Variants in OR10H5 observed in about 807,000 individuals in gnomAD.
The protein encoded by OR10H5 is olfactory receptor 10H5.
OR10H5 carries 7 observed loss-of-function variants against 12.2 expected under a neutral mutation model. The ratio of observed to expected loss-of-function variants is 0.57; its 90% CI spans 0.33 to 1.07. The LOEUF is 1.07. OR10H5 is among the 50% of genes least tolerant of loss of function. OR10H5 has a pLI of 0.04. For missense variants in OR10H5, 346 were observed against 411.6 expected (o/e 0.84, Z 1.38); for synonymous variants, 159 against 175.1 (o/e 0.91, Z 0.73).
intron 1 of OR10H5, among the ~76,000 whole-genome samples, chr19:15,788,177 A>G (rs913226385): frequency 2.6e-5 from 4 of 152,152 alleles, no homozygotes; most frequent in Non-Finnish European, 4.4e-5. Context: ...GTATGAGATT[A>G]TTGTAGCTGC....
At chr19:15,793,569 AC>A (rs1379295124) in intron 1 of OR10H5, among the ~76,000 whole-genome samples, 12 of 151,928 alleles carry the variant, frequency 7.9e-5, no homozygotes, top group African/African-American at 2.9e-4. Flanking sequence ...CCCAGGCTAA[AC>A]TTCAGCACAT....
At chr19:15,790,161 G>A (rs897996845) in intron 1 of OR10H5, among the ~76,000 whole-genome samples, 2 of 152,138 alleles carry the variant, frequency 1.3e-5, no homozygotes, top group Non-Finnish European at 2.9e-5. Context: ...CCAGGAGAGA[G>A]GAAGAGGTGA....
intron 1 of OR10H5, among the ~76,000 whole-genome samples, chr19:15,790,352 G>A (rs912520316): frequency 8.5e-5 from 13 of 152,202 alleles, no homozygotes; most frequent in Non-Finnish European, 1.5e-4. Flanking sequence ...AGATGATCAC[G>A]ACAACGTCAG....
intron 1 of OR10H5, among the ~76,000 whole-genome samples, chr19:15,790,087 C>T (rs1054822382): frequency 2.6e-5 from 4 of 152,100 alleles, no homozygotes; most frequent in Admixed American, 6.6e-5. Context: ...GGGCATGGCC[C>T]CTTTCTGTAA....
At position 15,799,626 on chromosome 19, in the gene OR10H5, T is replaced by G. The variant is rs1257655392; in HGVS notation, c.*4630T>G. Reference sequence around the variant, plus strand: ...TGCTGATGAAACGTTATGTATATAATTGTATGTTGTCTACAAGGTAAACCT... The same window carrying G: ...TGCTGATGAAACGTTATGTATATAAGTGTATGTTGTCTACAAGGTAAACCT... On this transcript the variant is annotated 3_prime_UTR_variant, in exon 2 of 2. Transcript: ENST00000642092. The G allele has an allele frequency of 1.3e-5, 2 of 152,044 alleles. No individual in the cohort carries two copies. The highest frequency in any genetic ancestry group is 4.8e-5 in the African/African-American group (2 of 41,388). The allele number at this position is 152,044 out of a possible 1,614,324, so 9.4% of individuals were successfully genotyped here.
chr19:15,791,991 T>C (rs893902469), intron 1 of OR10H5, among the ~76,000 whole-genome samples: 8 of 151,282 alleles, frequency 5.3e-5, no homozygotes, highest in Admixed American at 3.3e-4. Context: ...TATTATTAAA[T>C]TCTCCAGCCT....
chr19:15,793,052 G>T (rs528201799), intron 1 of OR10H5, among the ~76,000 whole-genome samples: 1 of 151,856 alleles, frequency 6.6e-6, no homozygotes, highest in Non-Finnish European at 1.5e-5. Flanking sequence ...TTCTTACTAC[G>T]GGCCAAGACT....
chr19:15,788,143 G>A (rs1181459570), intron 1 of OR10H5, among the ~76,000 whole-genome samples: 3 of 152,190 alleles, frequency 2.0e-5, no homozygotes, highest in African/African-American at 4.8e-5. Context: ...CACTGTGTGT[G>A]TGTGTGTGCA....
chr19:15,792,102 G>T (rs1335779289), intron 1 of OR10H5, among the ~76,000 whole-genome samples: 1 of 152,030 alleles, frequency 6.6e-6, no homozygotes, highest in Non-Finnish European at 1.5e-5. Context: ...TCACCCACCA[G>T]TGCTGCAGAT....
In OR10H5 at chr19:15,794,842, G is replaced by T. The variant is rs1405047535; in HGVS notation, c.794G>T (p.Gly265Val). The T allele has an allele frequency of 6.2e-7, 1 of 1,614,058 alleles. No homozygotes were observed. The highest frequency in any genetic ancestry group is 1.7e-5 in the Admixed American group (1 of 60,014). Residue 265 changes from glycine to valine, a missense_variant, in exon 2 of 2, where the codon GGT (glycine) becomes GTT (valine). Coordinates refer to ENST00000642092, the MANE Select transcript of OR10H5 (RefSeq NM_001004466.2). Reference protein sequence around the residue: ...FASVIYLKPKGPQSPEGDTLM... With the variant: ...FASVIYLKPKVPQSPEGDTLM... ...TCCGTCATTTACCTGAAGCCCAAAG[G>T]TCCCCAGTCTCCGGAAGGAGACACC...
At position 15,795,173 on chromosome 19, in the gene OR10H5, C is replaced by T. The variant is rs1425525457; in HGVS notation, c.*177C>T. On this transcript the variant is annotated 3_prime_UTR_variant, in exon 2 of 2. Transcript: ENST00000642092. ...TGACCTACAGTCCACCCTCCCTCCC[C>T]CCTCCTCCTTGCCTTCCTTCCATCC... is the stretch of plus-strand genomic sequence containing the variant. The T allele has an allele frequency of 1.7e-6, 1 of 590,274 alleles. No individual in the cohort carries two copies. The highest frequency in any genetic ancestry group is 2.9e-6 in the Non-Finnish European group (1 of 344,824). 36.6% of individuals were successfully genotyped at this position (590,274 alleles called of 1,614,324 possible). A position where few individuals can be genotyped will look rare whatever the true frequency, so the allele number is the denominator to read the frequency against.
chr19:15,790,406 C>A (rs1463770589), intron 1 of OR10H5, among the ~76,000 whole-genome samples: 1 of 152,286 alleles, frequency 6.6e-6, no homozygotes, highest in Middle Eastern at 3.4e-3. Context: ...GGCATCCCGT[C>A]GCCCAGGGAA....
In OR10H5 at chr19:15,798,920, C is replaced by G. The variant is rs56845473; in HGVS notation, c.*3924C>G. The stretch of plus-strand genomic sequence containing the variant: ...TGCAGGCACATGCCACCACACCCAA[C>G]TATTTTTTGTATTTTTAGTAGAGAC... On this transcript the variant is annotated 3_prime_UTR_variant, in exon 2 of 2. Coordinates refer to ENST00000642092, the MANE Select transcript of OR10H5 (RefSeq NM_001004466.2). The G allele has an allele frequency of 0.085, 12,860 of 152,116 alleles. 609 individuals are homozygous for G. The highest frequency in any genetic ancestry group is 0.12 in the Middle Eastern group (35 of 294). 9.4% of individuals were successfully genotyped at this position (152,116 alleles called of 1,614,324 possible). A position where few individuals can be genotyped will look rare whatever the true frequency, so the allele number is the denominator to read the frequency against.
intron 1 of OR10H5, among the ~76,000 whole-genome samples, chr19:15,791,441 TACACACACACACAC>T (rs35542150): frequency 2.7e-5 from 4 of 147,556 alleles, no homozygotes; most frequent in East Asian, 2.0e-4. Context: ...ATAGATACCA[TACACACACACACAC>T]ACACACACAC....
rs61745514 is a variant in OR10H5 at position 15,794,719 on chromosome 19, C to A, written c.671C>A (p.Ala224Asp). 0.18 allele frequency: 284,443 copies of A among 1,611,616 alleles called. 32,713 individuals are homozygous for A. Among genetic ancestry groups the A allele is most frequent in the East Asian group, 0.66 (29,446 of 44,780 alleles). ...LILLSYAFIV[A>D]AILKIPSAEG... ...CTCCTCTCCTATGCCTTCATCGTGG[C>A]CGCCATCTTGAAGATCCCTTCTGCT... is the stretch of plus-strand genomic sequence containing the variant. Residue 224 changes from alanine to aspartate, a missense_variant, in exon 2 of 2, where the codon GCC becomes GAC. Ala to Asp is a moderately radical substitution (Grantham distance 126, BLOSUM62 -2). Transcript: ENST00000642092.
In OR10H5 at chr19:15,794,715, G is replaced by T. The variant is rs758375267; in HGVS notation, c.667G>T (p.Val223Leu). 5.6e-6 allele frequency: 9 copies of T among 1,613,788 alleles called. No individual in the cohort carries two copies. The highest frequency in any genetic ancestry group is 6.8e-6 in the Non-Finnish European group (8 of 1,179,790). Reference protein sequence around the residue: ...LLILLSYAFIVAAILKIPSAE... With the variant: ...LLILLSYAFILAAILKIPSAE... ...CATCCTCCTCTCCTATGCCTTCATCGTGGCCGCCATCTTGAAGATCCCTTC... is the reference window on the plus strand; with the variant it reads ...CATCCTCCTCTCCTATGCCTTCATCTTGGCCGCCATCTTGAAGATCCCTTC... The change falls in exon 2 of 2, where the codon GTG becomes TTG. Residue 223 changes from valine (V) to leucine (L), a missense_variant. Val to Leu is a conservative substitution (Grantham distance 32, BLOSUM62 1). Coordinates refer to ENST00000642092, the MANE Select transcript of OR10H5 (RefSeq NM_001004466.2).
intron 1 of OR10H5, among the ~76,000 whole-genome samples, chr19:15,788,511 A>T (rs1404040292): frequency 1.3e-5 from 2 of 152,004 alleles, no homozygotes; most frequent in East Asian, 3.9e-4. Context: ...TATTATTATT[A>T]TTTTTTGGAC....
In OR10H5 at chr19:15,797,802, C is replaced by T. The variant is rs1568450385; in HGVS notation, c.*2806C>T. The stretch of plus-strand genomic sequence containing the variant: ...GTGGCTCACTCCTGTAATCCCAGCA[C>T]TTTGGGAAGCCGAGGCAGGTGGATC... On this transcript the variant is annotated 3_prime_UTR_variant, in exon 2 of 2. Transcript: ENST00000642092. 1 of 151,962 alleles carries T rather than the reference C, an allele frequency of 6.6e-6. No individual in the cohort carries two copies. Among genetic ancestry groups the T allele is most frequent in the African/African-American group, 2.4e-5 (1 of 41,374 alleles). The allele number at this position is 151,962 out of a possible 1,614,324, so 9.4% of individuals were successfully genotyped here.
Position 15,798,750 on chromosome 19 carries a change from G to C in OR10H5, c.*3754G>C, listed in dbSNP as rs1288786324. The C allele has an allele frequency of 8.1e-6, 1 of 123,252 alleles. No homozygotes were observed. Among genetic ancestry groups the C allele is most frequent in the Non-Finnish European group, 1.7e-5 (1 of 59,858 alleles). 7.6% of individuals were successfully genotyped at this position (123,252 alleles called of 1,614,324 possible). A position where few individuals can be genotyped will look rare whatever the true frequency, so the allele number is the denominator to read the frequency against. ...TCTGTCTGCCAAGCAGCTAGAAGGAGCTTTTTTTTTTTTTTTTTTTTTTTG... is the reference window on the plus strand; with the variant it reads ...TCTGTCTGCCAAGCAGCTAGAAGGACCTTTTTTTTTTTTTTTTTTTTTTTG... On this transcript the variant is annotated 3_prime_UTR_variant, in exon 2 of 2. Coordinates refer to ENST00000642092, the MANE Select transcript of OR10H5 (RefSeq NM_001004466.2).
Sources: gnomAD v4.1 joint callset for allele counts (sites outside exome capture counted in the v4.1 genomes callset) on GRCh38, gnomAD v4.1.1 for gene constraint, MANE v1.5 for transcripts, NCBI Gene and HGNC (gene_info 2026-07-23, HGNC 2026-07-21) for gene names.